The following OPCML variants were observed in gnomAD, a reference collection of about 807,000 sequenced individuals.
OPCML encodes opioid-binding protein/cell adhesion molecule.
OPCML carries 13 observed loss-of-function variants against 37.8 expected under a neutral mutation model. That is an observed-to-expected ratio of 0.34 (90% CI 0.22 to 0.55). The LOEUF (loss-of-function observed/expected upper bound fraction) is 0.55, where lower values mean the gene tolerates loss of function less well. Ranked by LOEUF, OPCML falls within the 20% of genes least tolerant of loss-of-function variation. The pLI, the probability that OPCML is intolerant of heterozygous loss-of-function variation, is 0.91. For missense variants in OPCML, 341 were observed against 435.6 expected (o/e 0.78, Z 1.93); for synonymous variants, 176 against 168.8 (o/e 1.04, Z -0.33).
In OPCML at chr11:132,757,674, T is replaced by C. The variant is rs1467355603; in HGVS notation, c.147-100355A>G. Among the ~76,000 whole-genome samples the C allele has an allele frequency of 2.0e-5, 3 of 152,246 alleles. No individual in the cohort carries two copies. In the East Asian group the frequency reaches 5.8e-4, roughly 29 times the overall value. On this transcript the variant is annotated intron_variant, in intron 2 of 7. Transcript: ENST00000524381. ...TTTTTTTCTTGTAAAATTGTTTAAG[T>C]TCCTTGTAGATTCGGGATATTAGCC...
At chr11:133,507,354 A>G (rs1591578971) in intron 1 of OPCML, among the ~76,000 whole-genome samples, 1 of 152,132 alleles carries the variant, frequency 6.6e-6, no homozygotes, top group Admixed American at 6.5e-5. Context: ...ATCAATCCCC[A>G]TTTTCAAAGT....
intron 4 of OPCML, among the ~76,000 whole-genome samples, chr11:132,512,189 T>C (rs770868116): frequency 1.3e-5 from 2 of 152,020 alleles, no homozygotes; most frequent in Non-Finnish European, 1.5e-5. Context: ...GTTATTAGAA[T>C]AGATAATATT....
intron 4 of OPCML, among the ~76,000 whole-genome samples, chr11:132,511,855 T>C (rs1397660671): frequency 1.4e-5 from 2 of 144,238 alleles, no homozygotes; most frequent in South Asian, 2.2e-4. Context: ...GAAATATTGA[T>C]AAATTGGACT....
At chr11:132,473,778 A>G (rs2096145486) in intron 4 of OPCML, among the ~76,000 whole-genome samples, 1 of 152,102 alleles carries the variant, frequency 6.6e-6, no homozygotes, top group South Asian at 2.1e-4. Flanking sequence ...GTGAGCCAAG[A>G]TCATGTCACT....
At chr11:133,437,143 TTTG>T (rs1245230174) in intron 1 of OPCML, among the ~76,000 whole-genome samples, 1 of 152,228 alleles carries the variant, frequency 6.6e-6, no homozygotes, top group African/African-American at 2.4e-5. Flanking sequence ...CCAACATTTA[TTTG>T]TTGTTAACTG....
Position 132,797,635 on chromosome 11 carries a change from A to G in OPCML, c.147-140316T>C, listed in dbSNP as rs1023184677. Among the ~76,000 whole-genome samples the G allele has an allele frequency of 1.4e-4, 21 of 152,206 alleles. 1 individual carries two copies. Among genetic ancestry groups the G allele is most frequent in the Non-Finnish European group, 4.4e-5 (3 of 68,040 alleles). ...AAATTTATGTTTATATTATACTGTA[A>G]TCTGTTATATGGGCCATAATAGTAT... is the stretch of plus-strand genomic sequence containing the variant. On this transcript the variant is annotated intron_variant, in intron 2 of 7. Transcript: ENST00000524381.
intron 1 of OPCML, among the ~76,000 whole-genome samples, chr11:133,476,392 GTTT>G (rs10714775): frequency 4.0e-5 from 6 of 148,654 alleles, no homozygotes; most frequent in African/African-American, 1.5e-4. Context: ...TCTGTTGTTA[GTTT>G]TTTTTTTTTC....
intron 1 of OPCML, among the ~76,000 whole-genome samples, chr11:133,021,111 C>T (rs1454150236): frequency 2.0e-5 from 3 of 152,174 alleles, no homozygotes; most frequent in African/African-American, 7.2e-5. Context: ...ATTTATCAAG[C>T]ATTCCCATGG....
At chr11:132,552,761 C>CTT (rs2096384944) in intron 3 of OPCML, among the ~76,000 whole-genome samples, 1 of 67,476 alleles carries the variant, frequency 1.5e-5, no homozygotes, top group Non-Finnish European at 2.6e-5. Flanking sequence ...TTAAACACTA[C>CTT]TCTTTTTTTT....
chr11:132,503,979 G>C (rs1050976356), intron 4 of OPCML, among the ~76,000 whole-genome samples: 1 of 152,008 alleles, frequency 6.6e-6, no homozygotes, highest in East Asian at 1.9e-4. Flanking sequence ...ATGCACCTTT[G>C]TTAAAAGCAA....
intron 3 of OPCML, among the ~76,000 whole-genome samples, chr11:132,579,506 A>G (rs573855439): frequency 6.6e-6 from 1 of 151,976 alleles, no homozygotes; most frequent in Non-Finnish European, 1.5e-5. Flanking sequence ...GCAAGTGGCA[A>G]TGTAACTGGG....
At chr11:133,346,431 G>A (rs77126899) in intron 1 of OPCML, among the ~76,000 whole-genome samples, 20 of 152,284 alleles carry the variant, frequency 1.3e-4, no homozygotes, top group African/African-American at 4.8e-4. Context: ...AGAGAACAGA[G>A]GCCAATATCG....
At chr11:132,888,497 T>TCC (rs5795808) in intron 2 of OPCML, among the ~76,000 whole-genome samples, 14 of 151,956 alleles carry the variant, frequency 9.2e-5, no homozygotes, top group Middle Eastern at 6.8e-3. Flanking sequence ...TTTCAGTTTC[T>TCC]CCCCCCACGC....
chr11:133,193,031 G>A (rs1327824735), intron 1 of OPCML, among the ~76,000 whole-genome samples: 1 of 152,004 alleles, frequency 6.6e-6, no homozygotes, highest in Non-Finnish European at 1.5e-5. Flanking sequence ...AAATAACCAT[G>A]GGTACAAAGA....
intron 1 of OPCML, among the ~76,000 whole-genome samples, chr11:133,103,150 A>C (rs2137075778): frequency 6.6e-6 from 1 of 152,336 alleles, no homozygotes; most frequent in Non-Finnish European, 1.5e-5. Flanking sequence ...TCCTACTTTG[A>C]GACAGACATT....
chr11:132,436,390 A>G (rs760477106), intron 6 of OPCML, 153 bp from the exon 7 acceptor site: 22 of 984,628 alleles, frequency 2.2e-5, no homozygotes, highest in Middle Eastern at 5.2e-4. Context: ...CTCTTGCCCA[A>G]TGGGATAAAT....
chr11:132,608,022 G>T (rs981498866), intron 3 of OPCML, among the ~76,000 whole-genome samples: 1 of 152,126 alleles, frequency 6.6e-6, no homozygotes, highest in African/African-American at 2.4e-5. Context: ...AATGTTTCTC[G>T]CATAAAGAAG....
intron 1 of OPCML, among the ~76,000 whole-genome samples, chr11:133,238,002 T>C (rs1940587063): frequency 2.0e-5 from 3 of 152,264 alleles, no homozygotes; most frequent in Non-Finnish European, 4.4e-5. Flanking sequence ...TTAATTCTTA[T>C]AAAACTGTGA....
At chr11:133,328,103 T>C (rs1489043009) in intron 1 of OPCML, among the ~76,000 whole-genome samples, 1 of 152,044 alleles carries the variant, frequency 6.6e-6, no homozygotes, top group African/African-American at 2.4e-5. Context: ...ATTACTTCTA[T>C]GCCTCATCTA....
Sources: gnomAD v4.1 joint callset for allele counts (sites outside exome capture counted in the v4.1 genomes callset) on GRCh38, gnomAD v4.1.1 for gene constraint, MANE v1.5 for transcripts, NCBI Gene and HGNC (gene_info 2026-07-23, HGNC 2026-07-21) for gene names.